The following AGMO variants were observed in gnomAD, a reference collection of about 807,000 sequenced individuals.
AGMO encodes alkylglycerol monooxygenase, also known as glyceryl-ether monooxygenase.
In AGMO, 75 loss-of-function variants were observed where a neutral mutation model predicts 60.2. The observed-to-expected ratio is 1.25, with a 90% CI of 1.03 to 1.51. The LOEUF is 1.51. Ranked by LOEUF, AGMO falls within the 40% of genes most tolerant of loss-of-function variation. The pLI, the probability that AGMO is intolerant of heterozygous loss-of-function variation, is 0.00. For missense variants in AGMO, 763 were observed against 525.5 expected, an observed-to-expected ratio of 1.45 and a Z score of -4.42; for synonymous variants, 261 against 177.1, an observed-to-expected ratio of 1.47 and a Z score of -3.76.
chr7:15,379,494 T>A (rs1783591713), intron 10 of AGMO, among the ~76,000 whole-genome samples: 1 of 152,004 alleles, frequency 6.6e-6, no homozygotes, highest in Non-Finnish European at 1.5e-5. Context: ...TACATGCACA[T>A]ACACTAGAAA....
intron 12 of AGMO, among the ~76,000 whole-genome samples, chr7:15,208,815 C>T (rs1054222370): frequency 1.3e-5 from 2 of 152,098 alleles, no homozygotes; most frequent in African/African-American, 4.8e-5. Flanking sequence ...AAATTGTTTG[C>T]CTCATATCCA....
At chr7:15,305,039 G>C (rs1050884072) in intron 12 of AGMO, among the ~76,000 whole-genome samples, 1 of 151,704 alleles carries the variant, frequency 6.6e-6, no homozygotes, top group Non-Finnish European at 1.5e-5. Flanking sequence ...TTAATATTAA[G>C]AATATATAGT....
At chr7:15,493,810 G>A (rs1357677458) in intron 3 of AGMO, among the ~76,000 whole-genome samples, 2 of 152,058 alleles carry the variant, frequency 1.3e-5, no homozygotes, top group Non-Finnish European at 2.9e-5. Flanking sequence ...CAAAATCAGG[G>A]CATGGTTTGA....
chr7:15,320,119 G>C (rs1397783285), intron 12 of AGMO, among the ~76,000 whole-genome samples: 1 of 137,012 alleles, frequency 7.3e-6, no homozygotes, highest in East Asian at 2.1e-4. Flanking sequence ...GTTGTGGGGT[G>C]GGGGAGGGGG....
intron 2 of AGMO, among the ~76,000 whole-genome samples, chr7:15,552,118 T>C (rs1359496720): frequency 1.3e-5 from 2 of 152,148 alleles, no homozygotes; most frequent in South Asian, 2.1e-4. Context: ...GCTAGCCATA[T>C]GTAGAAAGCT....
the AGMO span, among the ~76,000 whole-genome samples, chr7:15,172,345 T>C: frequency 1.3e-5 from 2 of 152,316 alleles, no homozygotes; most frequent in Non-Finnish European, 2.9e-5. Context: ...ACCTTTCCAA[T>C]TCAGCTTTCT....
At chr7:15,469,799 A>C (rs575036824) in intron 3 of AGMO, among the ~76,000 whole-genome samples, 26 of 152,234 alleles carry the variant, frequency 1.7e-4, no homozygotes, top group Admixed American at 5.2e-4. Context: ...TTAATTTTGA[A>C]GGGGCTAGGA....
At chr7:15,370,329 G>A (rs1783157354) in intron 10 of AGMO, among the ~76,000 whole-genome samples, 1 of 152,190 alleles carries the variant, frequency 6.6e-6, no homozygotes, top group Non-Finnish European at 1.5e-5. Flanking sequence ...TTGCTTCCAT[G>A]TCTTTGCTAT....
rs1438473731 is a variant in AGMO, at chr7:15,359,046, T to A, written c.1263+6468A>T. 3.9e-5 allele frequency among the ~76,000 whole-genome samples: 6 copies of A among 152,170 alleles called. No homozygotes were observed. In the South Asian group the frequency reaches 6.2e-4, roughly 16 times the overall value. ...ATTAATTAGATTTAATCCCAGCACT[T>A]TGGGAGGCCAAGACAGGCGGATCAT... On this transcript the variant is annotated intron_variant, in intron 12 of 12. Transcript: ENST00000342526.
intron 12 of AGMO, 101 bp from the exon 13 acceptor site, chr7:15,201,460 C>T (rs1182485841): frequency 1.3e-6 from 1 of 751,024 alleles, no homozygotes; most frequent in Non-Finnish European, 2.1e-6. Context: ...TGAACATGGA[C>T]ATTTTAGGGA....
chr7:15,478,635 G>T (rs1316630704), intron 3 of AGMO, among the ~76,000 whole-genome samples: 1 of 152,040 alleles, frequency 6.6e-6, no homozygotes, highest in African/African-American at 2.4e-5. Context: ...GAACTGAATA[G>T]AACACTACAC....
the AGMO span, among the ~76,000 whole-genome samples, chr7:15,121,552 T>C: frequency 6.6e-6 from 1 of 152,166 alleles, no homozygotes; most frequent in Non-Finnish European, 1.5e-5. Flanking sequence ...TGGTTTTGAT[T>C]TGCATTTCTC....
chr7:15,474,128 A>T (rs1018789186), intron 3 of AGMO, among the ~76,000 whole-genome samples: 1 of 152,150 alleles, frequency 6.6e-6, no homozygotes, highest in Non-Finnish European at 1.5e-5. Context: ...ATACTGCCCA[A>T]AGTAATTTAC....
At chr7:15,512,025 G>T (rs201114907) in intron 3 of AGMO, among the ~76,000 whole-genome samples, 3 of 138,666 alleles carry the variant, frequency 2.2e-5, no homozygotes, top group Non-Finnish European at 4.8e-5. Flanking sequence ...AAAAAAAAAA[G>T]AAAGAGAAGA....
chr7:15,415,246 G>A lies in AGMO; in HGVS notation c.609+3312C>T, dbSNP rs368771905. ...CGAGTAGCTGGGACTACAGGCACCC[G>A]CCACCATGCCCGGCTAATTTTTTTG... On this transcript the variant is annotated intron_variant, in intron 5 of 12. Coordinates refer to ENST00000342526, the MANE Select transcript of AGMO (RefSeq NM_001004320.2). Among the ~76,000 whole-genome samples, 37 of 151,576 alleles carry A rather than the reference G, an allele frequency of 2.4e-4. No individual in the cohort carries two copies. In the East Asian group the frequency reaches 5.7e-3, roughly 23 times the overall value.
intron 12 of AGMO, among the ~76,000 whole-genome samples, chr7:15,361,145 GCTCA>G (rs1283950249): frequency 6.6e-6 from 1 of 152,064 alleles, no homozygotes; most frequent in Non-Finnish European, 1.5e-5. Context: ...ACAGTGGGCT[GCTCA>G]CTGTCACTGT....
intron 3 of AGMO, among the ~76,000 whole-genome samples, chr7:15,448,459 C>T (rs1490490549): frequency 6.6e-6 from 1 of 152,110 alleles, no homozygotes; most frequent in African/African-American, 2.4e-5. Context: ...AAATAAACTT[C>T]TAATGTTTAT....
intron 3 of AGMO, among the ~76,000 whole-genome samples, chr7:15,485,376 G>A (rs375811786): frequency 6.6e-6 from 1 of 151,856 alleles, no homozygotes; most frequent in South Asian, 2.1e-4. Context: ...ATTGAGAAGA[G>A]TAAATGAAGA....
At chr7:15,299,090 A>G (rs1334738348) in intron 12 of AGMO, among the ~76,000 whole-genome samples, 1 of 152,148 alleles carries the variant, frequency 6.6e-6, no homozygotes, top group East Asian at 1.9e-4. Flanking sequence ...ACACCCCAGT[A>G]GTTGGATTCT....
Sources: allele counts gnomAD v4.1 joint callset (sites outside exome capture counted in the v4.1 genomes callset), GRCh38; gene constraint gnomAD v4.1.1; transcripts MANE v1.5; gene names NCBI Gene and HGNC (gene_info 2026-07-23, HGNC 2026-07-21).